GNG2: variants seen among roughly 807,000 people sequenced by gnomAD.
GNG2 encodes the protein G protein subunit gamma 2, also known as guanine nucleotide-binding protein G(I)/G(S)/G(O) subunit gamma-2.
GNG2 carries 5 observed loss-of-function variants against 5.5 expected under a neutral mutation model. The observed-to-expected ratio is 0.91, with a 90% CI of 0.48 to 1.92. GNG2 has a LOEUF of 1.92. Ranked by LOEUF, GNG2 falls within the 30% of genes most tolerant of loss-of-function variation. The pLI, the probability that GNG2 is intolerant of heterozygous loss-of-function variation, is 0.01. For synonymous variants in GNG2, 28 were observed against 32.0 expected (o/e 0.88, Z 0.42); for missense variants, 55 against 88.4 (o/e 0.62, Z 1.52).
At chr14:51,833,415 C>T (rs1285786069) in intron 2 of GNG2, among the ~76,000 whole-genome samples, 2 of 152,170 alleles carry the variant, frequency 1.3e-5, no homozygotes, top group African/African-American at 4.8e-5. Context: ...TCTGCTAGTT[C>T]ATCTAGTTCT....
At position 51,961,233 on chromosome 14, in the gene GNG2, C is replaced by T. The variant is rs778436829; in HGVS notation, c.88-5326C>T. Among the ~76,000 whole-genome samples, 121 of 152,242 alleles carry T rather than the reference C, an allele frequency of 7.9e-4. 1 individual carries two copies. The highest frequency in any genetic ancestry group is 2.1e-4 in the South Asian group (1 of 4,822). ...AGAGTTTAGTTGGCCCTTATTACTC[C>T]ATCATAGCCAAAATTGGAAGTATAG... On this transcript the variant is annotated intron_variant, in intron 3 of 3. Coordinates refer to ENST00000556766, the MANE Select transcript of GNG2 (RefSeq NM_053064.5).
At chr14:51,918,176 A>G (rs1886771609) in intron 2 of GNG2, among the ~76,000 whole-genome samples, 1 of 152,236 alleles carries the variant, frequency 6.6e-6, no homozygotes, top group African/African-American at 2.4e-5. Flanking sequence ...TTTATTAGAC[A>G]GTGTCAAAGA....
Position 51,864,888 on chromosome 14 carries a change from A to G in GNG2, c.-71+4098A>G, listed in dbSNP as rs562770714. On this transcript the variant is annotated intron_variant, in intron 1 of 3. Coordinates refer to ENST00000556766, the MANE Select transcript of GNG2 (RefSeq NM_053064.5). ...CAAGTTTCTGAGACAACAAGTTTCT[A>G]CTAATGAAGTGTGATCCTAACCAAA... Among the ~76,000 whole-genome samples, 7 of 152,320 alleles carry G rather than the reference A, an allele frequency of 4.6e-5. No individual in the cohort carries two copies. In the South Asian group the frequency reaches 1.2e-3, roughly 27 times the overall value.
intron 2 of GNG2, among the ~76,000 whole-genome samples, chr14:51,890,339 C>G (rs1460151442): frequency 2.0e-5 from 3 of 152,110 alleles, no homozygotes; most frequent in Non-Finnish European, 4.4e-5. Context: ...ATTTTTTTCC[C>G]CTGCCCTCAA....
intron 1 of GNG2, among the ~76,000 whole-genome samples, chr14:51,826,730 A>G (rs1337301863): frequency 6.6e-6 from 1 of 152,192 alleles, no homozygotes; most frequent in Non-Finnish European, 1.5e-5. Flanking sequence ...ACTTGATGGG[A>G]CCAACGTTAC....
intron 2 of GNG2, among the ~76,000 whole-genome samples, chr14:51,838,483 T>A (rs973334010): frequency 1.3e-5 from 2 of 152,018 alleles, no homozygotes; most frequent in Non-Finnish European, 2.9e-5. Flanking sequence ...TTTACACAGA[T>A]AAACTGAAAA....
chr14:51,835,561 T>C (rs1360460715), intron 2 of GNG2, among the ~76,000 whole-genome samples: 1 of 152,132 alleles, frequency 6.6e-6, no homozygotes, highest in African/African-American at 2.4e-5. Flanking sequence ...CACGTCAAAG[T>C]CTAACCCACT....
chr14:51,913,924 A>G (rs1341578793), intron 2 of GNG2, among the ~76,000 whole-genome samples: 2 of 152,246 alleles, frequency 1.3e-5, no homozygotes, highest in Admixed American at 1.3e-4. Flanking sequence ...AAAGTTACAT[A>G]TATCCAAATA....
At chr14:51,916,347 A>T (rs1886619506) in intron 2 of GNG2, 2 of 385,554 alleles carry the variant, frequency 5.2e-6, no homozygotes, top group Non-Finnish European at 5.1e-6. Context: ...AGATAAATGG[A>T]GTAGTTGAGA....
At chr14:51,954,497 T>C (rs1180942919) in intron 3 of GNG2, among the ~76,000 whole-genome samples, 1 of 152,210 alleles carries the variant, frequency 6.6e-6, no homozygotes, top group Non-Finnish European at 1.5e-5. Context: ...TAAATCTGTT[T>C]ATTCATCATT....
chr14:51,867,725 A>G (rs1355071876), intron 1 of GNG2, among the ~76,000 whole-genome samples: 1 of 152,166 alleles, frequency 6.6e-6, no homozygotes, highest in Non-Finnish European at 1.5e-5. Context: ...TACTTCTCTG[A>G]ATAACCAAAT....
intron 2 of GNG2, among the ~76,000 whole-genome samples, chr14:51,840,930 T>C (rs1426387459): frequency 6.6e-6 from 1 of 152,224 alleles, no homozygotes; most frequent in Non-Finnish European, 1.5e-5. Context: ...TACAACAATG[T>C]ACTACCTTTT....
At chr14:51,940,182 G>C (rs939707178) in intron 2 of GNG2, 1 of 152,210 alleles carries the variant, frequency 6.6e-6, no homozygotes, top group African/African-American at 2.4e-5. Context: ...AAGAGGAGTG[G>C]GGACGGAGTG....
chr14:51,934,713 C>T (rs1414847595), intron 2 of GNG2, among the ~76,000 whole-genome samples: 6 of 152,126 alleles, frequency 3.9e-5, no homozygotes, highest in Non-Finnish European at 5.9e-5. Flanking sequence ...CTCGGGGTGC[C>T]GGTCAGTTCA....
intron 2 of GNG2, among the ~76,000 whole-genome samples, chr14:51,920,494 C>T (rs1328503660): frequency 2.6e-5 from 4 of 151,850 alleles, no homozygotes; most frequent in African/African-American, 9.7e-5. Context: ...CAAATATTTT[C>T]AATCTATGGT....
At chr14:51,897,501 G>A (rs1049840216) in intron 2 of GNG2, among the ~76,000 whole-genome samples, 2 of 152,150 alleles carry the variant, frequency 1.3e-5, no homozygotes, top group Admixed American at 1.3e-4. Flanking sequence ...CCCACAGATG[G>A]AACCAAATTT....
intron 3 of GNG2, chr14:51,951,857 C>A: frequency 1.4e-6 from 1 of 701,632 alleles, no homozygotes; most frequent in Non-Finnish European, 2.6e-6. Flanking sequence ...GCCCACAAAG[C>A]TAAAATATTT....
chr14:51,943,156 C>G (rs1488369768), intron 2 of GNG2, among the ~76,000 whole-genome samples: 4 of 152,168 alleles, frequency 2.6e-5, no homozygotes, highest in Non-Finnish European at 4.4e-5. Context: ...AATTCCAGGG[C>G]ATCACAAGTC....
chr14:51,915,584 T>G (rs1886572560), intron 2 of GNG2, among the ~76,000 whole-genome samples: 1 of 152,202 alleles, frequency 6.6e-6, no homozygotes, highest in Non-Finnish European at 1.5e-5. Context: ...CCGTTCTCTT[T>G]TATAAAGTGA....
Sources: allele counts gnomAD v4.1 joint callset (sites outside exome capture counted in the v4.1 genomes callset), GRCh38; gene constraint gnomAD v4.1.1; transcripts MANE v1.5; gene names NCBI Gene and HGNC (gene_info 2026-07-23, HGNC 2026-07-21).